CREB5: variants seen among roughly 807,000 people sequenced by gnomAD.
CREB5 encodes cAMP responsive element binding protein 5.
A neutral mutation model predicts 57.1 loss-of-function variants in CREB5; 19 were observed. That is an observed-to-expected ratio of 0.33 (90% CI 0.23 to 0.49). The LOEUF (loss-of-function observed/expected upper bound fraction) is 0.49. Among genes scored for constraint, CREB5 ranks in the 20% least tolerant of loss-of-function variants. The pLI, the probability that CREB5 is intolerant of heterozygous loss-of-function variation, is 0.99. For synonymous variants in CREB5, 238 were observed against 238.3 expected, an observed-to-expected ratio of 1.00 and a Z score of 0.01; for missense variants, 579 against 671.6, an observed-to-expected ratio of 0.86 and a Z score of 1.52.
At chr7:28,324,819 T>C (rs552675672) in intron 1 of CREB5, among the ~76,000 whole-genome samples, 4 of 152,348 alleles carry the variant, frequency 2.6e-5, no homozygotes, top group African/African-American at 9.6e-5. Flanking sequence ...AACAGAACGG[T>C]TGATACTTTC....
At chr7:28,425,738 G>C (rs1788483026) in intron 1 of CREB5, among the ~76,000 whole-genome samples, 1 of 152,140 alleles carries the variant, frequency 6.6e-6, no homozygotes, top group Non-Finnish European at 1.5e-5. Context: ...CTGTTGATAG[G>C]GCATTTCAGA....
At chr7:28,619,842 G>A (rs953763973) in intron 5 of CREB5, among the ~76,000 whole-genome samples, 1 of 152,204 alleles carries the variant, frequency 6.6e-6, no homozygotes, top group East Asian at 1.9e-4. Context: ...CAACCTGGAT[G>A]TTGGTCATGT....
chr7:28,685,757 C>T (rs1227386575), intron 5 of CREB5, among the ~76,000 whole-genome samples: 1 of 150,812 alleles, frequency 6.6e-6, no homozygotes, highest in African/African-American at 2.4e-5. Flanking sequence ...CCTCTTGGAG[C>T]TCTCTGATGG....
At chr7:28,316,283 C>G (rs936740759) in intron 1 of CREB5, among the ~76,000 whole-genome samples, 3 of 152,074 alleles carry the variant, frequency 2.0e-5, no homozygotes, top group Admixed American at 2.0e-4. Context: ...TTTCAGACAT[C>G]TGCCTGGAGC....
At chr7:28,682,982 T>G (rs1800677669) in intron 5 of CREB5, among the ~76,000 whole-genome samples, 1 of 152,160 alleles carries the variant, frequency 6.6e-6, no homozygotes, top group South Asian at 2.1e-4. Flanking sequence ...ACCGAACAGC[T>G]GCGCGGTACC....
chr7:28,574,813 A>G (rs1274221482), intron 5 of CREB5, among the ~76,000 whole-genome samples: 1 of 152,232 alleles, frequency 6.6e-6, no homozygotes. Flanking sequence ...CAGAATGCAT[A>G]TATGAAGACA....
intron 1 of CREB5, among the ~76,000 whole-genome samples, chr7:28,325,185 A>G (rs556188110): frequency 1.3e-5 from 2 of 152,326 alleles, no homozygotes; most frequent in East Asian, 3.9e-4. Context: ...GGCCGGGCGC[A>G]GTGGCTCACG....
intron 5 of CREB5, among the ~76,000 whole-genome samples, chr7:28,591,879 C>T (rs1287542963): frequency 6.6e-6 from 1 of 152,088 alleles, no homozygotes; most frequent in Non-Finnish European, 1.5e-5. Flanking sequence ...TCTGTGTGTG[C>T]CAGACACTTG....
chr7:28,556,754 G>A (rs771247586), intron 4 of CREB5, among the ~76,000 whole-genome samples: 2 of 152,088 alleles, frequency 1.3e-5, no homozygotes, highest in Non-Finnish European at 2.9e-5. Flanking sequence ...CAATCTTAAT[G>A]AGCACCTTTA....
At chr7:28,596,211 G>A (rs918863491) in intron 5 of CREB5, among the ~76,000 whole-genome samples, 2 of 152,120 alleles carry the variant, frequency 1.3e-5, no homozygotes, top group African/African-American at 4.8e-5. Context: ...CAATTATGAC[G>A]AGTACTCTCC....
chr7:28,316,890 G>C (rs1308352206), intron 1 of CREB5, among the ~76,000 whole-genome samples: 1 of 151,834 alleles, frequency 6.6e-6, no homozygotes, highest in Non-Finnish European at 1.5e-5. Flanking sequence ...ACCTTTAAAA[G>C]GGGGATGATA....
chr7:28,696,805 T>TATACACATACGTATACGTATAC (rs1293933584), intron 5 of CREB5, among the ~76,000 whole-genome samples: 1 of 149,900 alleles, frequency 6.7e-6, no homozygotes, highest in East Asian at 1.9e-4. Context: ...TATACGTATA[T>TATACACATACGTATACGTATAC]ATACACATAC....
At chr7:28,408,182 C>T (rs1787630164), upstream of CREB5, among the ~76,000 whole-genome samples, 1 of 152,222 alleles carries the variant, frequency 6.6e-6, no homozygotes, top group Non-Finnish European at 1.5e-5. Context: ...CCCCAACCTT[C>T]TGGTGTCTGC....
intron 5 of CREB5, among the ~76,000 whole-genome samples, chr7:28,602,997 A>G (rs1404732476): frequency 6.6e-6 from 1 of 152,224 alleles, no homozygotes; most frequent in African/African-American, 2.4e-5. Context: ...CTCCTTGTAC[A>G]CTTTTTTGCA....
At chr7:28,544,909 C>T (rs1201992537) in intron 4 of CREB5, among the ~76,000 whole-genome samples, 1 of 152,210 alleles carries the variant, frequency 6.6e-6, no homozygotes, top group African/African-American at 2.4e-5. Context: ...CTGGGAACAG[C>T]TCTGCTTGGT....
intron 4 of CREB5, among the ~76,000 whole-genome samples, chr7:28,525,417 T>C (rs948475009): frequency 1.3e-5 from 2 of 152,190 alleles, no homozygotes; most frequent in Non-Finnish European, 2.9e-5. Context: ...TCCTCCATAG[T>C]GGCTATGCTA....
At chr7:28,761,027 C>A (rs1229776874) in intron 7 of CREB5, among the ~76,000 whole-genome samples, 1 of 152,174 alleles carries the variant, frequency 6.6e-6, no homozygotes, top group East Asian at 1.9e-4. Flanking sequence ...CCCTTAGAGA[C>A]TTTGCCTACA....
At chr7:28,580,588 TGTGTGAGAGA>T (rs1372053487) in intron 5 of CREB5, among the ~76,000 whole-genome samples, 2 of 145,992 alleles carry the variant, frequency 1.4e-5, no homozygotes, top group African/African-American at 4.9e-5. Context: ...TGTGTGTGTG[TGTGTGAGAGA>T]GAGATAGACA....
Position 28,507,619 on chromosome 7 carries a change from A to G in CREB5, c.173A>G (p.Gln58Arg). The change falls in exon 4 of 11, where the codon CAA (glutamine) becomes CGA (arginine). Residue 58 changes from glutamine (Q) to arginine (R), a missense_variant. Transcript: ENST00000357727. The part of the protein sequence containing the change: ...SIKTDNMLSD[Q>R]TPTPTRFLKN... ...AGCTCTCCGACTCTGTTTTCAGATC[A>G]AACTCCGACCCCAACGAGATTCCTG... 1 of 1,609,424 alleles carries G rather than the reference A, an allele frequency of 6.2e-7. No individual in the cohort carries two copies. Among genetic ancestry groups the G allele is most frequent in the Non-Finnish European group, 8.5e-7 (1 of 1,176,576 alleles).
Sources: gnomAD v4.1 joint callset for allele counts (sites outside exome capture counted in the v4.1 genomes callset) on GRCh38, gnomAD v4.1.1 for gene constraint, MANE v1.5 for transcripts, NCBI Gene and HGNC (gene_info 2026-07-23, HGNC 2026-07-21) for gene names.